Variants in DMXL1 observed in about 807,000 individuals in gnomAD.
DMXL1 encodes the protein dmX-like protein 1.
DMXL1 carries 99 observed loss-of-function variants against 319.2 expected under a neutral mutation model. The observed-to-expected ratio is 0.31, with a 90% confidence interval of 0.26 to 0.37. The LOEUF is 0.37. DMXL1 is among the 10% of genes least tolerant of loss of function. DMXL1 has a pLI of 1.00. For missense variants in DMXL1, 3,745 were observed against 3,595.6 expected, an observed-to-expected ratio of 1.04 and a Z score of -1.06; for synonymous variants, 1,385 against 1,235.2, an observed-to-expected ratio of 1.12 and a Z score of -2.54.
At chr5:119,223,983 C>T (rs1190104464) in intron 37 of DMXL1, among the ~76,000 whole-genome samples, 1 of 151,998 alleles carries the variant, frequency 6.6e-6, no homozygotes, top group African/African-American at 2.4e-5. Context: ...ATCATTATGA[C>T]CAGCTTCTGC....
chr5:119,128,707 G>C (rs369153055), intron 9 of DMXL1, among the ~76,000 whole-genome samples: 11 of 152,062 alleles, frequency 7.2e-5, no homozygotes, highest in African/African-American at 2.7e-4. Context: ...GTAGGATGGG[G>C]AATATGGCTG....
At position 119,170,795 on chromosome 5, in the gene DMXL1, T is replaced by A. The variant is rs1561786342; in HGVS notation, c.6004T>A (p.Ser2002Thr). The A allele has an allele frequency of 6.2e-7, 1 of 1,611,694 alleles. No individual in the cohort carries two copies. Among genetic ancestry groups the A allele is most frequent in the Admixed American group, 1.7e-5 (1 of 59,624 alleles). Residue 2002 changes from serine to threonine, a missense_variant, in exon 24 of 44, where the codon TCT becomes ACT. Physicochemically the swap from Ser to Thr is moderately conservative, Grantham distance 58. Transcript: ENST00000539542. ...AGATAAAAAGTTGGATGACATAAGT[T>A]CTAACTACACAGAATCTTTCAGCAC... is the stretch of plus-strand genomic sequence containing the variant. Reference protein sequence around the residue: ...KTDKKLDDISSNYTESFSTLD... With the variant: ...KTDKKLDDISTNYTESFSTLD...
At chr5:119,167,498 A>G (rs1773670998) in intron 22 of DMXL1, 105 bp from the exon 23 acceptor site, 6 of 920,070 alleles carry the variant, frequency 6.5e-6, no homozygotes, top group Non-Finnish European at 9.7e-6. Context: ...CTAATTTTGG[A>G]TATTTATAAG....
Position 119,193,852 on chromosome 5 carries a change from A to G in DMXL1, c.7339A>G (p.Arg2447Gly), listed in dbSNP as rs1474960442. The change falls in exon 30 of 44, where the codon AGA (arginine) becomes GGA (glycine). Residue 2447 changes from arginine to glycine, a missense_variant. Coordinates refer to ENST00000539542, the MANE Select transcript of DMXL1 (RefSeq NM_001290321.3). ...AKPFLPSSQS[R>G]AEYDSEESLG... ...GCCTTTTCTACCCTCTTCTCAAAGT[A>G]GAGCCGAATATGATTCAGAGGAGAG... is the stretch of plus-strand genomic sequence containing the variant. 1 of 1,612,908 alleles carries G rather than the reference A, an allele frequency of 6.2e-7. No individual in the cohort carries two copies. Among genetic ancestry groups the G allele is most frequent in the South Asian group, 1.1e-5 (1 of 90,910 alleles).
intron 4 of DMXL1, 66 bp downstream of exon 4, chr5:119,105,324 C>G (rs568373392): frequency 7.8e-7 from 1 of 1,277,954 alleles, no homozygotes; most frequent in South Asian, 1.2e-5. Flanking sequence ...ATTTTTATTA[C>G]TCTTATGTAT....
At chr5:119,146,607 C>T (rs999114017) in intron 15 of DMXL1, among the ~76,000 whole-genome samples, 2 of 151,752 alleles carry the variant, frequency 1.3e-5, no homozygotes, top group Non-Finnish European at 2.9e-5. Context: ...GACTGTAAAC[C>T]TATCAATTCA....
intron 26 of DMXL1, among the ~76,000 whole-genome samples, chr5:119,176,090 C>T (rs918798569): frequency 6.6e-6 from 1 of 152,028 alleles, no homozygotes; most frequent in African/African-American, 2.4e-5. Flanking sequence ...TTTCCAAACA[C>T]GGATTCATTA....
At chr5:119,209,102 T>A (rs1235286061) in intron 34 of DMXL1, among the ~76,000 whole-genome samples, 1 of 152,242 alleles carries the variant, frequency 6.6e-6, no homozygotes, top group Non-Finnish European at 1.5e-5. Context: ...TTTATTTACC[T>A]GTTAATGAAC....
chr5:119,140,030 A>T (rs181444666), intron 13 of DMXL1, among the ~76,000 whole-genome samples: 5 of 152,340 alleles, frequency 3.3e-5, no homozygotes, highest in African/African-American at 4.8e-5. Context: ...TTTTGGGTAA[A>T]TAGTGAAATT....
chr5:119,115,255 G>T (rs917569192), intron 6 of DMXL1, among the ~76,000 whole-genome samples: 1 of 152,132 alleles, frequency 6.6e-6, no homozygotes, highest in Non-Finnish European at 1.5e-5. Flanking sequence ...AATCAATAAA[G>T]CATAGCTTCA....
intron 30 of DMXL1, 111 bp from the exon 31 acceptor site, chr5:119,196,260 G>T: frequency 1.3e-6 from 1 of 777,932 alleles, no homozygotes; most frequent in South Asian, 1.5e-5. Flanking sequence ...TTTCATAGAG[G>T]GGTATGTTCA....
intron 39 of DMXL1, among the ~76,000 whole-genome samples, chr5:119,233,715 A>G (rs1787198443): frequency 6.6e-6 from 1 of 152,146 alleles, no homozygotes; most frequent in Admixed American, 6.6e-5. Flanking sequence ...TTCACCTTAT[A>G]TTACACACTT....
intron 2 of DMXL1, among the ~76,000 whole-genome samples, chr5:119,101,095 A>G (rs907985946): frequency 2.6e-5 from 4 of 152,008 alleles, no homozygotes; most frequent in Non-Finnish European, 5.9e-5. Flanking sequence ...ACCTGTTTTC[A>G]TACTATGCCC....
chr5:119,087,022 T>C (rs1348666240), intron 1 of DMXL1, among the ~76,000 whole-genome samples: 3 of 152,104 alleles, frequency 2.0e-5, no homozygotes, highest in Admixed American at 2.0e-4. Context: ...TTTTTAGTTC[T>C]TTGATCTAGT....
rs957544237 is a variant in DMXL1, at chr5:119,249,110, C to A, written c.*1891C>A. On this transcript the variant is annotated 3_prime_UTR_variant, in exon 44 of 44. Transcript: ENST00000539542. ...CCAGAGTCATAATATTTTAAATAAA[C>A]AATCATGCAGAAACTTTTTTAGGGG... is the stretch of plus-strand genomic sequence containing the variant. 6.6e-6 allele frequency: 1 copy of A among 152,450 alleles called. No individual in the cohort carries two copies. Among genetic ancestry groups the A allele is most frequent in the Non-Finnish European group, 1.5e-5 (1 of 67,932 alleles). The allele number at this position is 152,450 out of a possible 1,614,324, so 9.4% of individuals were successfully genotyped here. A position where few individuals can be genotyped will look rare whatever the true frequency, so the allele number is the denominator to read the frequency against.
chr5:119,230,061 A>T (rs1369107950), intron 38 of DMXL1, among the ~76,000 whole-genome samples: 2 of 152,192 alleles, frequency 1.3e-5, no homozygotes, highest in Non-Finnish European at 2.9e-5. Context: ...CTAAGGGTAT[A>T]AGTTGTCAAA....
intron 43 of DMXL1, among the ~76,000 whole-genome samples, chr5:119,245,498 G>A (rs1789568622): frequency 6.6e-6 from 1 of 150,680 alleles, no homozygotes; most frequent in Admixed American, 6.6e-5. Flanking sequence ...TTTCTTATTT[G>A]GACTGACTCT....
chr5:119,200,688 C>A (rs1195482706), intron 32 of DMXL1, among the ~76,000 whole-genome samples: 2 of 152,100 alleles, frequency 1.3e-5, no homozygotes, highest in Admixed American at 6.6e-5. Context: ...GATATTGATT[C>A]TTCTTCTCCA....
At chr5:119,080,841 T>G (rs1343785762) in intron 1 of DMXL1, among the ~76,000 whole-genome samples, 1 of 152,172 alleles carries the variant, frequency 6.6e-6, no homozygotes, top group African/African-American at 2.4e-5. Context: ...ATCTAACGTC[T>G]TTCCATTTAC....
Sources: gnomAD v4.1 joint callset for allele counts (sites outside exome capture counted in the v4.1 genomes callset) on GRCh38, gnomAD v4.1.1 for gene constraint, MANE v1.5 for transcripts, NCBI Gene and HGNC (gene_info 2026-07-23, HGNC 2026-07-21) for gene names.